LAMP3: variants seen among roughly 807,000 people sequenced by gnomAD.
LAMP3 encodes lysosome associated membrane protein 3.
LAMP3 carries 26 observed loss-of-function variants against 34.8 expected under a neutral mutation model. The ratio of observed to expected loss-of-function variants is 0.75; its 90% CI spans 0.55 to 1.04. The LOEUF (loss-of-function observed/expected upper bound fraction) is 1.04. LAMP3 is among the 50% of genes least tolerant of loss of function. The probability of loss-of-function intolerance (pLI) is 0.00; values close to 1 mark genes in which losing one functional copy is unlikely to be tolerated. For synonymous variants in LAMP3, 180 were observed against 201.9 expected, an observed-to-expected ratio of 0.89 and a Z score of 0.92; for missense variants, 495 against 524.0, an observed-to-expected ratio of 0.94 and a Z score of 0.54.
chr3:183,158,472 C>T, intron 1 of LAMP3, among the ~76,000 whole-genome samples: 1 of 149,574 alleles, frequency 6.7e-6, no homozygotes, highest in Non-Finnish European at 1.5e-5. Flanking sequence ...ACTCATCTGC[C>T]CACCCCCACC....
chr3:183,147,715 A>G (rs1188347791), intron 3 of LAMP3, among the ~76,000 whole-genome samples: 5 of 151,660 alleles, frequency 3.3e-5, no homozygotes, highest in Admixed American at 3.3e-4. Context: ...ACAAGCTCTT[A>G]TTGATTGATG....
chr3:183,159,484 G>A (rs1055193062), intron 1 of LAMP3, among the ~76,000 whole-genome samples: 1 of 152,194 alleles, frequency 6.6e-6, no homozygotes, highest in African/African-American at 2.4e-5. Context: ...GAGCTCTGAG[G>A]AGCACAGTCA....
intron 5 of LAMP3, among the ~76,000 whole-genome samples, chr3:183,134,234 G>A (rs577104950): frequency 6.6e-6 from 1 of 152,238 alleles, no homozygotes; most frequent in East Asian, 1.9e-4. Flanking sequence ...GTGACTATTT[G>A]TATGAGAGGG....
At chr3:183,135,313 T>C (rs1326454071) in intron 5 of LAMP3, among the ~76,000 whole-genome samples, 1 of 152,140 alleles carries the variant, frequency 6.6e-6, no homozygotes, top group Non-Finnish European at 1.5e-5. Context: ...CCTCTGCAGG[T>C]GGGGAAGAAA....
intron 1 of LAMP3, 121 bp downstream of exon 1, chr3:183,162,486 T>C (rs1721006200): frequency 3.0e-6 from 3 of 986,048 alleles, no homozygotes; most frequent in East Asian, 2.6e-5. Context: ...GGGAAGCCCT[T>C]GGACGCGCCA....
intron 1 of LAMP3, chr3:183,161,777 G>T: frequency 5.9e-6 from 1 of 169,608 alleles, no homozygotes; most frequent in Non-Finnish European, 1.2e-5. Flanking sequence ...GGCTGAGATT[G>T]TTTTGCTTTT....
intron 3 of LAMP3, 145 bp from the exon 4 acceptor site, chr3:183,140,740 T>G (rs548772855): frequency 3.8e-6 from 2 of 526,740 alleles, no homozygotes; most frequent in African/African-American, 3.9e-5. Flanking sequence ...TAATTGTGTA[T>G]GAAAATTCCA....
intron 5 of LAMP3, chr3:183,132,079 A>G: frequency 2.0e-6 from 2 of 985,412 alleles, no homozygotes; most frequent in Non-Finnish European, 2.4e-6. Context: ...AGAATAAAAT[A>G]ACATCAAAGA....
At chr3:183,158,916 T>G (rs1720898351) in intron 1 of LAMP3, among the ~76,000 whole-genome samples, 1 of 151,884 alleles carries the variant, frequency 6.6e-6, no homozygotes, top group Non-Finnish European at 1.5e-5. Flanking sequence ...TTTTTCTCCT[T>G]GAGACAGGGT....
intron 1 of LAMP3, among the ~76,000 whole-genome samples, chr3:183,155,305 C>T (rs931500899): frequency 6.6e-6 from 1 of 152,238 alleles, no homozygotes. Context: ...GGAGACTCAT[C>T]TCTTCACAAT....
Position 183,140,580 on chromosome 3 carries a change from A to G in LAMP3, c.904T>C (p.Tyr302His), listed in dbSNP as rs1720251327. 3 of 1,601,088 alleles carry G rather than the reference A, an allele frequency of 1.9e-6. No homozygotes were observed. The South Asian group carries it at 3.3e-5, about 18-fold the overall frequency. Reference sequence around the variant, plus strand: ...AAATAGGCTCCCACTTCACTGATATAATATGATTCTTCATCCTGTAAAACA... The same window carrying G: ...AAATAGGCTCCCACTTCACTGATATGATATGATTCTTCATCCTGTAAAACA... Reference protein sequence around the residue: ...LTFTKDEESYYISEVGAYLTV... With the variant: ...LTFTKDEESYHISEVGAYLTV... The change falls in exon 4 of 6, where the codon TAT becomes CAT. Residue 302 changes from tyrosine (Y) to histidine (H), a missense_variant. Transcript: ENST00000265598.
intron 1 of LAMP3, 86 bp from the exon 2 acceptor site, chr3:183,154,477 A>T: frequency 9.4e-7 from 1 of 1,066,544 alleles, no homozygotes; most frequent in Non-Finnish European, 1.4e-6. Context: ...ATGTCTGTTC[A>T]TAAAAAAACC....
intron 3 of LAMP3, among the ~76,000 whole-genome samples, chr3:183,151,444 T>TTTTG (rs528788055): frequency 7.8e-6 from 1 of 129,032 alleles, no homozygotes; most frequent in African/African-American, 2.9e-5. Flanking sequence ...TTTTTTTTTT[T>TTTTG]GAGATGGAGT....
chr3:183,151,668 TCTGCCCGCCTCAGCCTCC>T (rs1237831237), intron 3 of LAMP3, among the ~76,000 whole-genome samples: 2 of 151,978 alleles, frequency 1.3e-5, no homozygotes, highest in African/African-American at 4.8e-5. Context: ...CCTCAGGTGA[TCTGCCCGCCTCAGCCTCC>T]CAAAGTGCTG....
chr3:183,141,798 G>A (rs767084079), intron 3 of LAMP3, among the ~76,000 whole-genome samples: 6 of 152,128 alleles, frequency 3.9e-5, no homozygotes, highest in Admixed American at 6.6e-5. Context: ...AGGCACTGTC[G>A]CAGGCACTTC....
At chr3:183,156,618 T>TA (rs896077060) in intron 1 of LAMP3, among the ~76,000 whole-genome samples, 40 of 152,218 alleles carry the variant, frequency 2.6e-4, no homozygotes, top group Non-Finnish European at 2.4e-4. Flanking sequence ...CACCATTCAA[T>TA]ACACTTCTAA....
chr3:183,148,974 C>T (rs1435652341), intron 3 of LAMP3, among the ~76,000 whole-genome samples: 1 of 152,144 alleles, frequency 6.6e-6, no homozygotes, highest in African/African-American at 2.4e-5. Context: ...ATAAAGAAAA[C>T]ATGGTACATG....
At chr3:183,132,180 CT>C in intron 5 of LAMP3, 1 of 985,314 alleles carries the variant, frequency 1.0e-6, no homozygotes. Flanking sequence ...TGAGCCCCTC[CT>C]TTTTTGCCAT....
chr3:183,131,707 C>T (rs549416459), intron 5 of LAMP3, among the ~76,000 whole-genome samples: 51 of 152,112 alleles, frequency 3.4e-4, no homozygotes, highest in African/African-American at 1.2e-3. Flanking sequence ...AGAGTTGTTG[C>T]CAAATTTCAT....
Sources: allele counts gnomAD v4.1 joint callset (sites outside exome capture counted in the v4.1 genomes callset), GRCh38; gene constraint gnomAD v4.1.1; transcripts MANE v1.5; gene names NCBI Gene and HGNC (gene_info 2026-07-23, HGNC 2026-07-21).